The following FGF10 variants were observed in gnomAD, a reference collection of about 807,000 sequenced individuals.
FGF10 encodes fibroblast growth factor 10, also known as FGF-10.
FGF10 carries 2 observed loss-of-function variants against 19.8 expected under a neutral mutation model. The observed-to-expected ratio is 0.10, with a 90% CI of 0.04 to 0.32. The LOEUF (loss-of-function observed/expected upper bound fraction) is 0.32, where lower values mean the gene tolerates loss of function less well. FGF10 is among the 10% of genes least tolerant of loss of function. The pLI, the probability that FGF10 is intolerant of heterozygous loss-of-function variation, is 1.00. For missense variants in FGF10, 191 were observed against 246.3 expected (o/e 0.78, Z 1.50); for synonymous variants, 112 against 94.0 (o/e 1.19, Z -1.10).
At chr5:44,330,244 T>C (rs1230988373) in intron 1 of FGF10, among the ~76,000 whole-genome samples, 3 of 152,214 alleles carry the variant, frequency 2.0e-5, no homozygotes, top group East Asian at 3.9e-4. Context: ...ATATGGCTTA[T>C]GTTACAACTG....
At chr5:44,358,050 A>G (rs1432052662) in intron 1 of FGF10, among the ~76,000 whole-genome samples, 1 of 151,388 alleles carries the variant, frequency 6.6e-6, no homozygotes, top group Non-Finnish European at 1.5e-5. Context: ...GCATTTCTGG[A>G]TTAGCTTAGA....
intron 1 of FGF10, among the ~76,000 whole-genome samples, chr5:44,329,619 G>GA (rs936444740): frequency 7.4e-4 from 113 of 151,756 alleles, no homozygotes; most frequent in Middle Eastern, 3.4e-3. Flanking sequence ...AAATTTAAAT[G>GA]AAAAAAAATC....
intron 1 of FGF10, among the ~76,000 whole-genome samples, chr5:44,312,100 G>A (rs1411818239): frequency 6.6e-6 from 1 of 151,856 alleles, no homozygotes; most frequent in African/African-American, 2.4e-5. Context: ...CACTCTATTT[G>A]CAAGCCAAAA....
intron 1 of FGF10, among the ~76,000 whole-genome samples, chr5:44,361,329 T>C (rs994906146): frequency 3.3e-5 from 5 of 151,704 alleles, no homozygotes; most frequent in African/African-American, 9.7e-5. Flanking sequence ...CAGGCACTCA[T>C]GAGAGCTTTC....
At chr5:44,362,675 C>T (rs1277474368) in intron 1 of FGF10, among the ~76,000 whole-genome samples, 2 of 151,570 alleles carry the variant, frequency 1.3e-5, no homozygotes, top group Admixed American at 1.3e-4. Context: ...ATCTTATCTG[C>T]CCTTATAGAT....
At position 44,310,413 on chromosome 5, in the gene FGF10, A is replaced by G. The variant is rs1481083479; in HGVS notation, c.429+14T>C. The stretch of plus-strand genomic sequence containing the variant: ...TTACTGGAGTGGATTTGAAAACAAA[A>G]GCAGAATACTTACTGAGCCATAGAG... On this transcript the variant is annotated intron_variant, in intron 2 of 2. Coordinates refer to ENST00000264664, the MANE Select transcript of FGF10 (RefSeq NM_004465.2). 6.4e-7 allele frequency: 1 copy of G among 1,567,498 alleles called. No individual in the cohort carries two copies. The highest frequency in any genetic ancestry group is 8.8e-7 in the Non-Finnish European group (1 of 1,138,500).
At chr5:44,385,638 G>A (rs915104659) in intron 1 of FGF10, among the ~76,000 whole-genome samples, 3 of 152,176 alleles carry the variant, frequency 2.0e-5, no homozygotes, top group African/African-American at 4.8e-5. Context: ...TTACTGAAAT[G>A]TGGTTTTTGG....
chr5:44,352,474 C>A (rs1403358268), intron 1 of FGF10, among the ~76,000 whole-genome samples: 2 of 151,582 alleles, frequency 1.3e-5, no homozygotes, highest in Admixed American at 1.3e-4. Flanking sequence ...GACTCCTACT[C>A]AGCTGCTGAC....
chr5:44,338,888 T>C (rs1378475999), intron 1 of FGF10, among the ~76,000 whole-genome samples: 1 of 152,238 alleles, frequency 6.6e-6, no homozygotes, highest in Non-Finnish European at 1.5e-5. Flanking sequence ...AAGCAAACTG[T>C]ATCTAGATTG....
Position 44,366,243 on chromosome 5 carries a change from C to T in FGF10, c.325+22115G>A, listed in dbSNP as rs554680184. ...ATATACATCTGGTCCCTGCATTTAA[C>T]ATCCTGATTTATCTTTTATGCTTTG... On this transcript the variant is annotated intron_variant, in intron 1 of 2. Coordinates refer to ENST00000264664, the MANE Select transcript of FGF10 (RefSeq NM_004465.2). Among the ~76,000 whole-genome samples the T allele has an allele frequency of 2.1e-5, 3 of 141,438 alleles. No homozygotes were observed. The South Asian group carries it at 7.3e-4, about 34-fold the overall frequency. The allele number at this position is 141,438 out of a possible 152,430, so 92.8% of individuals were successfully genotyped here.
intron 1 of FGF10, among the ~76,000 whole-genome samples, chr5:44,337,285 C>T (rs1403898933): frequency 6.6e-6 from 1 of 151,850 alleles, no homozygotes; most frequent in African/African-American, 2.4e-5. Context: ...AATTGAATTC[C>T]ACAGTCTATT....
intron 1 of FGF10, among the ~76,000 whole-genome samples, chr5:44,378,596 TA>T (rs1278217594): frequency 1.3e-5 from 2 of 152,090 alleles, no homozygotes; most frequent in African/African-American, 4.8e-5. Flanking sequence ...CGCGCCCGGC[TA>T]ATTTTTTGTA....
intron 1 of FGF10, 109 bp from the exon 2 acceptor site, chr5:44,310,639 A>G (rs1740190127): frequency 5.2e-6 from 4 of 772,594 alleles, no homozygotes; most frequent in South Asian, 4.6e-5. Flanking sequence ...TCTAAAAACA[A>G]AAGGCACAAA....
rs1451083154 is a variant in FGF10, at chr5:44,300,623, G to T, written c.*4372C>A. Reference sequence around the variant, plus strand: ...AGGTGAAGAATAATTGGAATTGGTGGGAAATATAGGAATAGAAAATGTTTT... The same window carrying T: ...AGGTGAAGAATAATTGGAATTGGTGTGAAATATAGGAATAGAAAATGTTTT... On this transcript the variant is annotated 3_prime_UTR_variant, in exon 3 of 3. Transcript: ENST00000264664. 1.3e-5 allele frequency among the ~76,000 whole-genome samples: 2 copies of T among 152,120 alleles called. No homozygotes were observed. Among genetic ancestry groups the T allele is most frequent in the Non-Finnish European group, 1.5e-5 (1 of 68,004 alleles).
At position 44,301,324 on chromosome 5, in the gene FGF10, A is replaced by G. The variant is rs1477749303; in HGVS notation, c.*3671T>C. Among the ~76,000 whole-genome samples, 1 of 152,186 alleles carries G rather than the reference A, an allele frequency of 6.6e-6. No individual in the cohort carries two copies. The highest frequency in any genetic ancestry group is 1.5e-5 in the Non-Finnish European group (1 of 68,036). ...AACCCTTCAGTAATATGAAAAAGGT[A>G]AATTTTACTTCACTGAATAATCACA... On this transcript the variant is annotated 3_prime_UTR_variant, in exon 3 of 3. Transcript: ENST00000264664.
At chr5:44,374,696 C>A (rs941927480) in intron 1 of FGF10, among the ~76,000 whole-genome samples, 2 of 152,068 alleles carry the variant, frequency 1.3e-5, no homozygotes, top group Non-Finnish European at 2.9e-5. Flanking sequence ...CTAAGAATTG[C>A]TCATTTTTTA....
intron 1 of FGF10, among the ~76,000 whole-genome samples, chr5:44,382,681 T>C (rs148280835): frequency 1.3e-5 from 2 of 152,140 alleles, no homozygotes; most frequent in Non-Finnish European, 2.9e-5. Context: ...CAATATACCA[T>C]GAAAGATTTA....
At chr5:44,373,806 A>G (rs1741796625) in intron 1 of FGF10, among the ~76,000 whole-genome samples, 1 of 152,132 alleles carries the variant, frequency 6.6e-6, no homozygotes, top group South Asian at 2.1e-4. Flanking sequence ...TTTCTAACAG[A>G]AGTCTGTTTA....
chr5:44,350,794 C>T (rs1579925147), intron 1 of FGF10, among the ~76,000 whole-genome samples: 2 of 150,832 alleles, frequency 1.3e-5, no homozygotes, highest in South Asian at 4.2e-4. Flanking sequence ...ATTACTATGG[C>T]TCATTCTTGG....
Sources: gnomAD v4.1 joint callset for allele counts (sites outside exome capture counted in the v4.1 genomes callset) on GRCh38, gnomAD v4.1.1 for gene constraint, MANE v1.5 for transcripts, NCBI Gene and HGNC (gene_info 2026-07-23, HGNC 2026-07-21) for gene names.